ABHD10: variants seen among roughly 807,000 people sequenced by gnomAD.
The protein encoded by ABHD10 is palmitoyl-protein thioesterase ABHD10, mitochondrial.
A neutral mutation model predicts 33.1 loss-of-function variants in ABHD10; 22 were observed. The ratio of observed to expected loss-of-function variants is 0.66; its 90% CI spans 0.47 to 0.95. The LOEUF (loss-of-function observed/expected upper bound fraction) is 0.95. Ranked by LOEUF, ABHD10 falls within the 40% of genes least tolerant of loss-of-function variation. The probability of loss-of-function intolerance (pLI) is 0.00; values close to 1 mark genes in which losing one functional copy is unlikely to be tolerated. For missense variants in ABHD10, 352 were observed against 379.9 expected, an observed-to-expected ratio of 0.93 and a Z score of 0.61; for synonymous variants, 146 against 133.9, an observed-to-expected ratio of 1.09 and a Z score of -0.62.
chr3:111,989,145 A>T (rs2072710460), intron 4 of ABHD10, among the ~76,000 whole-genome samples: 2 of 152,336 alleles, frequency 1.3e-5, no homozygotes, highest in Non-Finnish European at 2.9e-5. Context: ...AACGGAGCAG[A>T]TGTGGAGATT....
chr3:111,983,592 A>G (rs1273628246), intron 2 of ABHD10, among the ~76,000 whole-genome samples: 1 of 152,190 alleles, frequency 6.6e-6, no homozygotes, highest in Non-Finnish European at 1.5e-5. Context: ...GCACTTTATT[A>G]TAAGAGATTT....
chr3:111,987,587 G>A (rs2072684024), intron 4 of ABHD10, among the ~76,000 whole-genome samples: 1 of 152,102 alleles, frequency 6.6e-6, no homozygotes, highest in Non-Finnish European at 1.5e-5. Flanking sequence ...ACATAATCTT[G>A]TATAATCTAA....
At chr3:111,987,642 A>C (rs138610561) in intron 4 of ABHD10, among the ~76,000 whole-genome samples, 65 of 152,342 alleles carry the variant, frequency 4.3e-4, no homozygotes, top group African/African-American at 1.5e-3. Flanking sequence ...TGTAAGCGCT[A>C]TGTAAATTGT....
chr3:111,982,123 G>A (rs764427396), intron 2 of ABHD10, 156 bp downstream of exon 2: 2 of 651,198 alleles, frequency 3.1e-6, no homozygotes, highest in Non-Finnish European at 4.4e-6. Context: ...AATTTTAAAA[G>A]CAACCTTTAA....
At chr3:111,987,440 C>A (rs755591115) in intron 4 of ABHD10, among the ~76,000 whole-genome samples, 2 of 152,010 alleles carry the variant, frequency 1.3e-5, no homozygotes, top group Admixed American at 1.3e-4. Flanking sequence ...GTTCTTATGA[C>A]TATGTTAGAG....
At chr3:111,982,027 CTTCTG>C (rs1242333209) in intron 2 of ABHD10, 60 bp downstream of exon 2, 3 of 1,283,474 alleles carry the variant, frequency 2.3e-6, no homozygotes, top group Non-Finnish European at 3.1e-6. Context: ...TGGAGAATTA[CTTCTG>C]TTCTAATCAG....
rs539632553 is a variant in ABHD10, at chr3:111,992,041, T to C, written c.*320T>C. 2 of 180,982 alleles carry C rather than the reference T, an allele frequency of 1.1e-5. No individual in the cohort carries two copies. Among genetic ancestry groups the C allele is most frequent in the South Asian group, 3.5e-4 (2 of 5,770 alleles). 11.2% of individuals were successfully genotyped at this position (180,982 alleles called of 1,614,324 possible). A position where few individuals can be genotyped will look rare whatever the true frequency, so the allele number is the denominator to read the frequency against. ...TAATTGCATCCTTTTCTAATTAGGA[T>C]TATTAATAAAGCGTGAATATTTTGT... On this transcript the variant is annotated 3_prime_UTR_variant, in exon 5 of 5. Transcript: ENST00000273359.
At chr3:111,980,867 C>T (rs2072574691) in intron 1 of ABHD10, among the ~76,000 whole-genome samples, 1 of 152,070 alleles carries the variant, frequency 6.6e-6, no homozygotes, top group South Asian at 2.1e-4. Flanking sequence ...GAGTTGTTAC[C>T]ATGGCTCATG....
rs1318568174 is a variant in ABHD10 at position 111,991,792 on chromosome 3, C to G, written c.*71C>G. On this transcript the variant is annotated 3_prime_UTR_variant, in exon 5 of 5. Transcript: ENST00000273359. Reference sequence around the variant, plus strand: ...GGAAGAGGGATAAGAAATGAAAGATCCTGATACTTTAGGTTTTTCCCTTTC... The same window carrying G: ...GGAAGAGGGATAAGAAATGAAAGATGCTGATACTTTAGGTTTTTCCCTTTC... The G allele has an allele frequency of 8.2e-7, 1 of 1,224,198 alleles. No homozygotes were observed. Among genetic ancestry groups the G allele is most frequent in the East Asian group, 2.6e-5 (1 of 38,800 alleles). 75.8% of individuals were successfully genotyped at this position (1,224,198 alleles called of 1,614,324 possible). A position where few individuals can be genotyped will look rare whatever the true frequency, so the allele number is the denominator to read the frequency against.
chr3:111,991,353 T>C (rs1358404217), intron 4 of ABHD10, 24 bp from the exon 5 acceptor site: 12 of 1,553,908 alleles, frequency 7.7e-6, no homozygotes, highest in East Asian at 6.7e-5. Context: ...CAAATACTTT[T>C]ATTTTTCTTT....
Position 111,979,108 on chromosome 3 carries a change from G to A in ABHD10, c.47G>A (p.Arg16Gln). ...LAAVAAWVPC[R>Q]SWGWAAVPFG... is the part of the protein sequence containing the mutation. ...GCTGTGGCGGCCTGGGTACCTTGTC[G>A]GAGCTGGGGCTGGGCAGCCGTCCCC... The change falls in exon 1 of 5, where the codon CGG becomes CAG. Residue 16 changes from arginine (R) to glutamine (Q), a missense_variant. Transcript: ENST00000273359. 1.2e-6 allele frequency: 2 copies of A among 1,613,388 alleles called. No homozygotes were observed. The highest frequency in any genetic ancestry group is 1.7e-6 in the Non-Finnish European group (2 of 1,179,852).
At position 111,986,392 on chromosome 3, in the gene ABHD10, G is replaced by A; in HGVS notation, c.438+17G>A. The A allele has an allele frequency of 6.5e-7, 1 of 1,533,912 alleles. No homozygotes were observed. The highest frequency in any genetic ancestry group is 9.0e-7 in the Non-Finnish European group (1 of 1,111,880). On this transcript the variant is annotated intron_variant, in intron 3 of 4. Coordinates refer to ENST00000273359, the MANE Select transcript of ABHD10 (RefSeq NM_018394.4). ...GGGCCACAGGTGACTGTTTTGTTAA[G>A]TATGATGATAATTACTGTAACCTCG...
At position 111,991,535 on chromosome 3, in the gene ABHD10, T is replaced by C; in HGVS notation, c.735T>C (p.His245=). 2 of 1,614,088 alleles carry C rather than the reference T, an allele frequency of 1.2e-6. No individual in the cohort carries two copies. Among genetic ancestry groups the C allele is most frequent in the Non-Finnish European group, 1.7e-6 (2 of 1,179,992 alleles). ...IPVNCPIRLL[H]GMKDDIVPWH... ...TGAACTGCCCCATAAGATTGCTCCA[T>C]GGCATGAAGGATGACATTGTACCTT... Residue 245 remains histidine (H), a synonymous_variant, in exon 5 of 5, where the codon CAT becomes CAC. Transcript: ENST00000273359.
intron 4 of ABHD10, chr3:111,990,807 T>C (rs2072730567): frequency 1.0e-6 from 1 of 993,646 alleles, no homozygotes; most frequent in East Asian, 3.1e-5. Context: ...CTTAGTTCTG[T>C]GTTTGATTCT....
At chr3:111,989,302 G>T (rs886351310) in intron 4 of ABHD10, among the ~76,000 whole-genome samples, 1 of 152,200 alleles carries the variant, frequency 6.6e-6, no homozygotes, top group African/African-American at 2.4e-5. Flanking sequence ...CAGCTGTTGG[G>T]AATGTAAGCT....
chr3:111,991,892 C>G lies in ABHD10; in HGVS notation c.*171C>G, dbSNP rs2072744566. The stretch of plus-strand genomic sequence containing the variant: ...AAGTAATGCAAATTGTGAAGAAGGA[C>G]CAGCTGCTGTTTAGAAAATTTTCTC... On this transcript the variant is annotated 3_prime_UTR_variant, in exon 5 of 5. Transcript: ENST00000273359. 1.9e-6 allele frequency: 1 copy of G among 518,400 alleles called. No homozygotes were observed. The highest frequency in any genetic ancestry group is 2.0e-5 in the African/African-American group (1 of 49,642). The allele number at this position is 518,400 out of a possible 1,614,324, so 32.1% of individuals were successfully genotyped here.
At chr3:111,982,484 T>C (rs904867652) in intron 2 of ABHD10, among the ~76,000 whole-genome samples, 2 of 152,156 alleles carry the variant, frequency 1.3e-5, no homozygotes, top group African/African-American at 2.4e-5. Flanking sequence ...TTTTTCACAC[T>C]GAGAGTTATT....
At chr3:111,988,398 C>T (rs1458936554) in intron 4 of ABHD10, among the ~76,000 whole-genome samples, 1 of 151,932 alleles carries the variant, frequency 6.6e-6, no homozygotes, top group Non-Finnish European at 1.5e-5. Context: ...GTTTTTCCCA[C>T]CTTTGACATT....
intron 4 of ABHD10, among the ~76,000 whole-genome samples, 199 bp downstream of exon 4, chr3:111,987,250 G>A (rs1044744371): frequency 9.9e-5 from 15 of 151,990 alleles, no homozygotes; most frequent in African/African-American, 3.4e-4. Flanking sequence ...TTAAGATTTC[G>A]TTTCTTCATA....
Sources: gnomAD v4.1 joint callset for allele counts (sites outside exome capture counted in the v4.1 genomes callset) on GRCh38, gnomAD v4.1.1 for gene constraint, MANE v1.5 for transcripts, NCBI Gene and HGNC (gene_info 2026-07-23, HGNC 2026-07-21) for gene names.